SH3KBP1: variants seen among roughly 807,000 people sequenced by gnomAD.
The protein encoded by SH3KBP1 is SH3 domain-containing kinase-binding protein 1.
In SH3KBP1, 8 loss-of-function variants were observed where a neutral mutation model predicts 50.1. The observed-to-expected ratio is 0.16, with a 90% confidence interval of 0.09 to 0.29. SH3KBP1 has a LOEUF of 0.29. SH3KBP1 is among the 10% of genes least tolerant of loss of function. The pLI is 1.00. For missense variants in SH3KBP1, 377 were observed against 535.2 expected (o/e 0.70, Z 2.92); for synonymous variants, 227 against 218.6 (o/e 1.04, Z -0.34).
intron 12 of SH3KBP1, among the ~76,000 whole-genome samples, chrX:19,571,822 C>T (rs1207456876): frequency 1.8e-5 from 2 of 109,185 alleles, no homozygotes; most frequent in African/African-American, 6.7e-5. Flanking sequence ...TTAGTGAACT[C>T]TACTTGGCTT....
intron 9 of SH3KBP1, among the ~76,000 whole-genome samples, chrX:19,598,943 G>A (rs1186904124): frequency 1.8e-5 from 2 of 112,101 alleles, no homozygotes; most frequent in East Asian, 2.8e-4. Flanking sequence ...GGAAAATAGC[G>A]CCAGTAGGTT....
chrX:19,675,078 CAAATAAATAAATAAAT>C (rs112493377), intron 6 of SH3KBP1, among the ~76,000 whole-genome samples: 17 of 106,699 alleles, frequency 1.6e-4, no homozygotes, highest in Admixed American at 6.0e-4. Context: ...GACCCTGCCT[CAAATAAATAAATAAAT>C]AAATAAATAA....
At chrX:19,876,346 G>C (rs1474161057) in intron 1 of SH3KBP1, among the ~76,000 whole-genome samples, 1 of 111,726 alleles carries the variant, frequency 9.0e-6, no homozygotes, top group Non-Finnish European at 1.9e-5. Context: ...GGGCAACAGA[G>C]TGAGACTCTG....
At chrX:19,841,970 C>T (rs2068233818) in intron 1 of SH3KBP1, among the ~76,000 whole-genome samples, 1 of 108,407 alleles carries the variant, frequency 9.2e-6, no homozygotes, top group Non-Finnish European at 1.9e-5. Context: ...CCAGAATACC[C>T]AGAAAAAGTT....
intron 2 of SH3KBP1, among the ~76,000 whole-genome samples, chrX:19,760,541 G>A (rs1357633477): frequency 9.2e-6 from 1 of 109,064 alleles, no homozygotes; most frequent in Non-Finnish European, 1.9e-5. Flanking sequence ...GACTCACCCT[G>A]TAACCATGGT....
chrX:19,595,008 A>G lies in SH3KBP1; in HGVS notation c.1006-8T>C. 12 of 1,151,930 alleles carry G rather than the reference A, an allele frequency of 1.0e-5. No individual in the cohort carries two copies. Among genetic ancestry groups the G allele is most frequent in the Non-Finnish European group, 1.4e-5 (12 of 841,061 alleles). 94.9% of individuals were successfully genotyped at this position (1,151,930 alleles called of 1,213,427 possible). The stretch of plus-strand genomic sequence containing the variant: ...CGGTGGCTTCTTGGGTCTCTGAAAA[A>G]TTAATAAAAATTATACCACATGAGA... On this transcript the variant is annotated splice_polypyrimidine_tract_variant and splice_region_variant and intron_variant, in intron 9 of 17. Coordinates refer to ENST00000397821, the MANE Select transcript of SH3KBP1 (RefSeq NM_031892.3).
chrX:19,568,987 C>T (rs1309162955), intron 13 of SH3KBP1, 116 bp downstream of exon 13: 24 of 622,839 alleles, frequency 3.9e-5, no homozygotes, highest in Middle Eastern at 3.1e-4. Flanking sequence ...AGCAAGGGTG[C>T]CAGCCTGGCA....
intron 5 of SH3KBP1, among the ~76,000 whole-genome samples, chrX:19,693,310 G>A (rs1308318683): frequency 8.9e-6 from 1 of 111,919 alleles, no homozygotes; most frequent in Non-Finnish European, 1.9e-5. Context: ...AATAAAGACA[G>A]AATGAATGAA....
intron 4 of SH3KBP1, among the ~76,000 whole-genome samples, chrX:19,698,182 C>G (rs917134415): frequency 1.8e-5 from 2 of 111,646 alleles, no homozygotes; most frequent in African/African-American, 6.5e-5. Context: ...AGAAAATGTC[C>G]TTCTCTCTCC....
At chrX:19,688,072 T>C (rs971923185) in intron 5 of SH3KBP1, among the ~76,000 whole-genome samples, 1 of 112,487 alleles carries the variant, frequency 8.9e-6, no homozygotes, top group African/African-American at 3.2e-5. Flanking sequence ...AACTCAATTG[T>C]ACAGCACAAG....
chrX:19,731,946 T>C (rs781641552), intron 3 of SH3KBP1, among the ~76,000 whole-genome samples: 22 of 112,259 alleles, frequency 2.0e-4, no homozygotes, highest in Admixed American at 1.9e-4. Context: ...AAGATCAGAT[T>C]ACAAATCATT....
chrX:19,826,440 G>C (rs1178186589), intron 2 of SH3KBP1, among the ~76,000 whole-genome samples: 2 of 110,614 alleles, frequency 1.8e-5, no homozygotes, highest in African/African-American at 3.3e-5. Flanking sequence ...TGGCATTTTG[G>C]GAGGCCAAAG....
intron 2 of SH3KBP1, among the ~76,000 whole-genome samples, chrX:19,819,272 T>C (rs2067449542): frequency 8.9e-6 from 1 of 111,900 alleles, no homozygotes; most frequent in Admixed American, 9.5e-5. Context: ...ATTCCTACTA[T>C]GCTAATTTGT....
Position 19,695,525 on chromosome X carries a change from G to A in SH3KBP1, c.520+87C>T, listed in dbSNP as rs900613967. ...TCGTAAGCGTTTACTATAGCCTCTC[G>A]GCATAGGATACAGAACAGAAGGGAG... On this transcript the variant is annotated intron_variant, in intron 5 of 17. Transcript: ENST00000397821. 3.1e-5 allele frequency: 34 copies of A among 1,086,209 alleles called. No homozygotes were observed. In the African/African-American group the frequency reaches 3.9e-4, roughly 13 times the overall value. 89.5% of individuals were successfully genotyped at this position (1,086,209 alleles called of 1,213,427 possible).
intron 6 of SH3KBP1, among the ~76,000 whole-genome samples, chrX:19,660,306 C>T (rs1273931263): frequency 8.9e-6 from 1 of 112,394 alleles, no homozygotes. Context: ...AAAACTCCAT[C>T]TTCATAATGC....
intron 6 of SH3KBP1, chrX:19,648,056 C>T (rs766714586): frequency 2.7e-6 from 1 of 374,969 alleles, no homozygotes; most frequent in South Asian, 2.3e-5. Flanking sequence ...AACTCTTCTC[C>T]CTCTCTTCTC....
intron 13 of SH3KBP1, among the ~76,000 whole-genome samples, chrX:19,565,446 T>G (rs2065816720): frequency 9.0e-6 from 1 of 111,622 alleles, no homozygotes; most frequent in Non-Finnish European, 1.9e-5. Flanking sequence ...TGTAAAAACA[T>G]GAGTCATTAC....
intron 2 of SH3KBP1, among the ~76,000 whole-genome samples, chrX:19,801,515 C>T (rs1488580237): frequency 8.9e-6 from 1 of 111,858 alleles, no homozygotes; most frequent in African/African-American, 3.3e-5. Context: ...ATTTGGGAGA[C>T]TCCTTAAAGT....
intron 1 of SH3KBP1, among the ~76,000 whole-genome samples, chrX:19,852,365 C>T (rs2068533056): frequency 9.0e-6 from 1 of 111,229 alleles, no homozygotes; most frequent in African/African-American, 3.3e-5. Flanking sequence ...ATGCTTGACC[C>T]ACAAAACTGG....
Sources: gnomAD v4.1 joint callset for allele counts (sites outside exome capture counted in the v4.1 genomes callset) on GRCh38, gnomAD v4.1.1 for gene constraint, MANE v1.5 for transcripts, NCBI Gene and HGNC (gene_info 2026-07-23, HGNC 2026-07-21) for gene names.